The following SLC3A1 variants were observed in gnomAD, a reference collection of about 807,000 sequenced individuals.
The protein encoded by SLC3A1 is solute carrier family 3 member 1, also known as amino acid transporter heavy chain SLC3A1.
A neutral mutation model predicts 60.3 loss-of-function variants in SLC3A1; 78 were observed. The ratio of observed to expected loss-of-function variants is 1.29; its 90% CI spans 1.08 to 1.56. SLC3A1 has a LOEUF of 1.56. Among genes scored for constraint, SLC3A1 ranks in the 40% most tolerant of loss-of-function variants. SLC3A1 has a pLI of 0.00. For missense variants in SLC3A1, 1,172 were observed against 858.9 expected (o/e 1.36, Z -4.56); for synonymous variants, 392 against 307.9 (o/e 1.27, Z -2.86).
At chr2:44,293,813 C>A (rs1239287230) in intron 4 of SLC3A1, among the ~76,000 whole-genome samples, 3 of 152,220 alleles carry the variant, frequency 2.0e-5, no homozygotes, top group Non-Finnish European at 2.9e-5. Context: ...GCTGCCACCA[C>A]TTACCAACCA....
intron 1 of SLC3A1, 33 bp downstream of exon 1, chr2:44,275,998 C>T: frequency 3.8e-6 from 6 of 1,596,124 alleles, no homozygotes; most frequent in Non-Finnish European, 5.2e-6. Context: ...GGGTGGGTGC[C>T]AGGATGAGAT....
At chr2:44,303,987 A>T in intron 6 of SLC3A1, 156 bp from the exon 7 acceptor site, 1 of 711,744 alleles carries the variant, frequency 1.4e-6, no homozygotes, top group Non-Finnish European at 2.6e-6. Flanking sequence ...ACATTTGGTG[A>T]CAGCTTGATT....
chr2:44,284,209 A>G (rs1671560829), intron 3 of SLC3A1, among the ~76,000 whole-genome samples: 1 of 152,066 alleles, frequency 6.6e-6, no homozygotes, highest in African/African-American at 2.4e-5. Flanking sequence ...CCTCTCAAGT[A>G]GCTGGAACTA....
At chr2:44,302,198 G>T (rs1032230344) in intron 6 of SLC3A1, among the ~76,000 whole-genome samples, 1 of 152,218 alleles carries the variant, frequency 6.6e-6, no homozygotes, top group Non-Finnish European at 1.5e-5. Flanking sequence ...AGGTAGGTCT[G>T]AAGGAGTCCT....
intron 7 of SLC3A1, among the ~76,000 whole-genome samples, chr2:44,304,573 G>A (rs1672104804): frequency 6.6e-6 from 1 of 152,124 alleles, no homozygotes; most frequent in African/African-American, 2.4e-5. Flanking sequence ...TCAGAACACT[G>A]CTAGGCTTTT....
At chr2:44,281,754 G>A (rs934864804) in intron 3 of SLC3A1, among the ~76,000 whole-genome samples, 2 of 152,174 alleles carry the variant, frequency 1.3e-5, no homozygotes, top group Non-Finnish European at 2.9e-5. Context: ...TAGAGATGAT[G>A]TGTTCTAGCA....
At chr2:44,306,550 C>CTTTTTTTT (rs11290172) in intron 7 of SLC3A1, among the ~76,000 whole-genome samples, 1 of 101,118 alleles carries the variant, frequency 9.9e-6, no homozygotes, top group East Asian at 2.9e-4. Flanking sequence ...TACCATAAAA[C>CTTTTTTTT]TTTTTTTTTT....
intron 8 of SLC3A1, among the ~76,000 whole-genome samples, chr2:44,313,079 C>T (rs1382885709): frequency 3.3e-5 from 5 of 151,848 alleles, no homozygotes; most frequent in South Asian, 2.1e-4. Flanking sequence ...ATTGGAGAAC[C>T]GGTGGTTTAG....
chr2:44,294,996 G>T (rs771944365), intron 4 of SLC3A1, among the ~76,000 whole-genome samples: 5 of 151,922 alleles, frequency 3.3e-5, no homozygotes, highest in Non-Finnish European at 7.4e-5. Flanking sequence ...CTCCCACCTC[G>T]GTCTCTGAAA....
At chr2:44,310,752 A>G (rs1672275077) in intron 7 of SLC3A1, among the ~76,000 whole-genome samples, 1 of 151,192 alleles carries the variant, frequency 6.6e-6, no homozygotes, top group South Asian at 2.1e-4. Context: ...TGAGACTCCC[A>G]TTATGCATAT....
chr2:44,320,892 G>C lies in SLC3A1; in HGVS notation c.*253G>C. On this transcript the variant is annotated 3_prime_UTR_variant, in exon 10 of 10. Transcript: ENST00000260649. ...ATCAGGGATGACCAGAACACATTAG[G>C]ACCCCAGATTATTCAAAAACTTTAA... The C allele has an allele frequency of 2.0e-6, 1 of 495,416 alleles. No homozygotes were observed. Among genetic ancestry groups the C allele is most frequent in the Non-Finnish European group, 3.6e-6 (1 of 277,112 alleles). The allele number at this position is 495,416 out of a possible 1,614,324, so 30.7% of individuals were successfully genotyped here.
intron 9 of SLC3A1, chr2:44,314,228 AT>A: frequency 1.3e-6 from 1 of 765,382 alleles, no homozygotes; most frequent in Non-Finnish European, 2.0e-6. Context: ...TATGAAGGAA[AT>A]TTTATGAAGT....
At chr2:44,321,664 C>A (rs934608127), downstream of SLC3A1, 101 of 1,528,092 alleles carry the variant, frequency 6.6e-5, no homozygotes, top group Non-Finnish European at 8.7e-5. Flanking sequence ...AGAGACATTT[C>A]TCTTGATTGA....
intron 1 of SLC3A1, among the ~76,000 whole-genome samples, chr2:44,279,663 A>G (rs1671446895): frequency 6.6e-6 from 1 of 152,226 alleles, no homozygotes; most frequent in African/African-American, 2.4e-5. Context: ...ATTAATTTTC[A>G]TATGTTCTGT....
chr2:44,312,375 C>G (rs115562149), intron 7 of SLC3A1, among the ~76,000 whole-genome samples: 2 of 152,110 alleles, frequency 1.3e-5, no homozygotes, highest in African/African-American at 2.4e-5. Context: ...ACAATAAATT[C>G]TTATCACCCT....
chr2:44,293,790 C>T (rs1181775457), intron 4 of SLC3A1, among the ~76,000 whole-genome samples: 1 of 152,170 alleles, frequency 6.6e-6, no homozygotes, highest in Non-Finnish European at 1.5e-5. Context: ...GGGCGCCGTA[C>T]AGTTGCAATT....
At chr2:44,321,811 G>A (rs369348867), downstream of SLC3A1, 25 of 1,613,588 alleles carry the variant, frequency 1.5e-5, no homozygotes, top group Non-Finnish European at 2.0e-5. Flanking sequence ...CCACTGAGAG[G>A]GCCTTGATAA....
chr2:44,287,723 A>G (rs576848973), intron 4 of SLC3A1, among the ~76,000 whole-genome samples: 2 of 152,188 alleles, frequency 1.3e-5, no homozygotes, highest in Non-Finnish European at 2.9e-5. Flanking sequence ...TGCTGCTCCT[A>G]TGGCTACAGT....
chr2:44,298,566 C>CG (rs1671915977), intron 4 of SLC3A1, among the ~76,000 whole-genome samples: 1 of 152,132 alleles, frequency 6.6e-6, no homozygotes, highest in Non-Finnish European at 1.5e-5. Flanking sequence ...TTAGTAGAGG[C>CG]GGGGTTTTAC....
Sources: gnomAD v4.1 joint callset for allele counts (sites outside exome capture counted in the v4.1 genomes callset) on GRCh38, gnomAD v4.1.1 for gene constraint, MANE v1.5 for transcripts, NCBI Gene and HGNC (gene_info 2026-07-23, HGNC 2026-07-21) for gene names.